DOCK1: variants seen among roughly 807,000 people sequenced by gnomAD.
DOCK1 encodes the protein dedicator of cytokinesis 1, also known as dedicator of cytokinesis protein 1.
In DOCK1, 138 loss-of-function variants were observed where a neutral mutation model predicts 262.7. The observed-to-expected ratio is 0.53, with a 90% CI of 0.46 to 0.61. DOCK1 has a LOEUF of 0.61. DOCK1 is among the 20% of genes least tolerant of loss of function. The probability of loss-of-function intolerance (pLI) is 0.00; values close to 1 mark genes in which losing one functional copy is unlikely to be tolerated. For synonymous variants in DOCK1, 866 were observed against 867.4 expected (o/e 1.00, Z 0.03); for missense variants, 1,908 against 2,370.7 (o/e 0.80, Z 4.05).
intron 27 of DOCK1, among the ~76,000 whole-genome samples, chr10:127,199,255 C>A (rs549246230): frequency 6.6e-6 from 1 of 152,076 alleles, no homozygotes; most frequent in Non-Finnish European, 1.5e-5. Context: ...AAAATATCCA[C>A]GTCTCTCTTC....
At chr10:127,011,539 T>G (rs1591638196) in intron 11 of DOCK1, among the ~76,000 whole-genome samples, 1 of 152,202 alleles carries the variant, frequency 6.6e-6, no homozygotes, top group Admixed American at 6.5e-5. Context: ...GTATTTCTAT[T>G]TGGGCATATG....
chr10:126,906,231 C>T (rs1372793012), intron 1 of DOCK1, among the ~76,000 whole-genome samples: 3 of 152,206 alleles, frequency 2.0e-5, no homozygotes, highest in Non-Finnish European at 4.4e-5. Flanking sequence ...CTCCGCGGCT[C>T]TTTGTCGCTT....
intron 27 of DOCK1, among the ~76,000 whole-genome samples, chr10:127,163,723 G>A (rs753994757): frequency 1.3e-5 from 2 of 151,108 alleles, no homozygotes; most frequent in Non-Finnish European, 2.9e-5. Flanking sequence ...TTCTGCTTCC[G>A]ACACCCAGTT....
chr10:127,440,034 C>T (rs2069991541), intron 49 of DOCK1, among the ~76,000 whole-genome samples: 1 of 151,974 alleles, frequency 6.6e-6, no homozygotes, highest in Non-Finnish European at 1.5e-5. Flanking sequence ...GCTCATGGTT[C>T]TGCAGGCTGT....
chr10:127,333,691 G>A (rs2063078773), intron 29 of DOCK1, among the ~76,000 whole-genome samples: 1 of 152,184 alleles, frequency 6.6e-6, no homozygotes, highest in Non-Finnish European at 1.5e-5. Context: ...GCTGCAGAGA[G>A]GCTTGGACCT....
chr10:127,150,922 C>T (rs577259064), intron 27 of DOCK1, among the ~76,000 whole-genome samples: 13 of 152,304 alleles, frequency 8.5e-5, no homozygotes, highest in South Asian at 4.1e-4. Flanking sequence ...TCAAAGAAAA[C>T]GTCTGGGCCT....
At chr10:127,109,575 T>C (rs898527849) in intron 24 of DOCK1, among the ~76,000 whole-genome samples, 1 of 152,174 alleles carries the variant, frequency 6.6e-6, no homozygotes, top group African/African-American at 2.4e-5. Flanking sequence ...CGAATCTCTT[T>C]TCTCTCTCTA....
At chr10:127,164,020 A>G (rs538323222) in intron 27 of DOCK1, among the ~76,000 whole-genome samples, 1 of 152,080 alleles carries the variant, frequency 6.6e-6, no homozygotes, top group East Asian at 1.9e-4. Flanking sequence ...AAGGGTAACA[A>G]TGCTGGTGGA....
At chr10:127,234,976 A>G (rs759068511) in intron 27 of DOCK1, among the ~76,000 whole-genome samples, 73 of 139,108 alleles carry the variant, frequency 5.2e-4, no homozygotes, top group Non-Finnish European at 1.0e-3. Flanking sequence ...TAAATAATAT[A>G]TGTACATTTT....
chr10:127,120,095 A>G (rs1438868511), intron 25 of DOCK1, among the ~76,000 whole-genome samples: 1 of 152,166 alleles, frequency 6.6e-6, no homozygotes, highest in East Asian at 1.9e-4. Flanking sequence ...GAGCCTGGCT[A>G]CCTTTATAGC....
chr10:127,362,867 ACACACACATACACATCCC>A (rs2064591507), intron 33 of DOCK1, among the ~76,000 whole-genome samples: 2 of 143,510 alleles, frequency 1.4e-5, no homozygotes, highest in Non-Finnish European at 3.0e-5. Context: ...ACATCCCCAC[ACACACACATACACATCCC>A]CACACACACA....
chr10:127,167,820 C>T (rs2054221154), intron 27 of DOCK1, among the ~76,000 whole-genome samples: 2 of 151,980 alleles, frequency 1.3e-5, no homozygotes, highest in African/African-American at 4.8e-5. Flanking sequence ...CCACCACCCC[C>T]CATCCCCAAA....
At chr10:127,226,435 C>T (rs1302552964) in intron 27 of DOCK1, among the ~76,000 whole-genome samples, 1 of 152,084 alleles carries the variant, frequency 6.6e-6, no homozygotes, top group South Asian at 2.1e-4. Context: ...CACCTCTCTG[C>T]CCAGCCCCCA....
intron 27 of DOCK1, among the ~76,000 whole-genome samples, chr10:127,160,014 G>A (rs191087933): frequency 3.3e-5 from 5 of 152,158 alleles, no homozygotes; most frequent in East Asian, 1.9e-4. Flanking sequence ...CTTTCTTCCC[G>A]GCCACATATC....
chr10:127,192,298 C>G (rs1047465487), intron 27 of DOCK1, among the ~76,000 whole-genome samples: 2 of 151,942 alleles, frequency 1.3e-5, no homozygotes, highest in Non-Finnish European at 2.9e-5. Context: ...TTTCCAAATC[C>G]CTTTGAAATA....
At chr10:127,050,319 AAT>A (rs1491338245) in intron 21 of DOCK1, among the ~76,000 whole-genome samples, 2 of 151,348 alleles carry the variant, frequency 1.3e-5, no homozygotes, top group Non-Finnish European at 2.9e-5. Context: ...CCTTAATTAT[AAT>A]AGATATTTCT....
intron 35 of DOCK1, among the ~76,000 whole-genome samples, chr10:127,377,964 A>C (rs1364232790): frequency 1.3e-5 from 2 of 151,962 alleles, no homozygotes; most frequent in African/African-American, 4.8e-5. Flanking sequence ...TTGGCCACCT[A>C]AGTCCCCAGG....
rs2041580899 is a variant in DOCK1 at position 127,012,943 on chromosome 10, C to A, written c.1201+569C>A. 6.6e-6 allele frequency among the ~76,000 whole-genome samples: 1 copy of A among 152,196 alleles called. No homozygotes were observed. The highest frequency in any genetic ancestry group is 2.4e-5 in the African/African-American group (1 of 41,448). On this transcript the variant is annotated intron_variant, in intron 12 of 51. Transcript: ENST00000623213. The surrounding 1 kb of genome is among the most constrained non-coding windows in gnomAD (Gnocchi z 4.0). ...CCAGGAAACAACTGTGACTGAGGCC[C>A]CGCCTCCAGCCCAAGGGGAAGTCAC...
intron 1 of DOCK1, among the ~76,000 whole-genome samples, chr10:126,968,388 T>C (rs61875500): frequency 0.19 from 28,583 of 152,156 alleles, 2,852 homozygotes; most frequent in South Asian, 0.27. Context: ...TGGGGCCATG[T>C]GCATAACCCC....
Sources: allele counts gnomAD v4.1 joint callset (sites outside exome capture counted in the v4.1 genomes callset), GRCh38; gene constraint gnomAD v4.1.1; non-coding constraint Gnocchi (gnomAD v3.1); transcripts MANE v1.5; gene names NCBI Gene and HGNC (gene_info 2026-07-23, HGNC 2026-07-21).